SGCZ: variants seen among roughly 807,000 people sequenced by gnomAD.
The protein encoded by SGCZ is sarcoglycan zeta, also known as zeta-sarcoglycan.
A neutral mutation model predicts 41.3 loss-of-function variants in SGCZ; 40 were observed. That is an observed-to-expected ratio of 0.97 (90% CI 0.75 to 1.26). SGCZ has a LOEUF of 1.26. Ranked by LOEUF, SGCZ falls within the 50% of genes most tolerant of loss-of-function variation. SGCZ has a pLI of 0.00. For synonymous variants in SGCZ, 206 were observed against 137.5 expected, an observed-to-expected ratio of 1.50 and a Z score of -3.49; for missense variants, 552 against 369.8, an observed-to-expected ratio of 1.49 and a Z score of -4.04.
intron 1 of SGCZ, among the ~76,000 whole-genome samples, chr8:15,230,270 T>C (rs1470957866): frequency 6.6e-6 from 1 of 152,106 alleles, no homozygotes; most frequent in Non-Finnish European, 1.5e-5. Context: ...ACTGTCACTC[T>C]TCTTGGAAAT....
intron 1 of SGCZ, among the ~76,000 whole-genome samples, chr8:15,179,134 T>G (rs1020078405): frequency 6.6e-6 from 1 of 152,114 alleles, no homozygotes; most frequent in Non-Finnish European, 1.5e-5. Context: ...ATAGTAAATT[T>G]TAATAGTCTA....
chr8:14,683,324 C>T (rs1017912288), intron 1 of SGCZ, among the ~76,000 whole-genome samples: 2 of 151,992 alleles, frequency 1.3e-5, no homozygotes, highest in African/African-American at 4.8e-5. Context: ...TGGCATCAAC[C>T]GTTGAAATAA....
intron 1 of SGCZ, among the ~76,000 whole-genome samples, chr8:15,121,366 G>T (rs370320206): frequency 2.0e-5 from 3 of 152,162 alleles, no homozygotes; most frequent in African/African-American, 4.8e-5. Flanking sequence ...CTAGGTACAC[G>T]ATTCTTAAAA....
intron 1 of SGCZ, among the ~76,000 whole-genome samples, chr8:15,095,332 C>CA (rs1806305740): frequency 6.6e-6 from 1 of 152,166 alleles, no homozygotes. Flanking sequence ...TTCCTGACCT[C>CA]AAGTGATGCG....
At chr8:14,682,870 G>A (rs1453992960) in intron 1 of SGCZ, among the ~76,000 whole-genome samples, 1 of 152,150 alleles carries the variant, frequency 6.6e-6, no homozygotes, top group African/African-American at 2.4e-5. Context: ...AATTGGGCTA[G>A]ATTCAGTATT....
chr8:14,958,782 G>A (rs569816377), intron 1 of SGCZ, among the ~76,000 whole-genome samples: 77 of 151,696 alleles, frequency 5.1e-4, no homozygotes, highest in African/African-American at 1.8e-3. Flanking sequence ...ATATTTAGGC[G>A]GAAACACACA....
chr8:14,882,912 A>G (rs1804645910), intron 1 of SGCZ, among the ~76,000 whole-genome samples: 1 of 152,030 alleles, frequency 6.6e-6, no homozygotes, highest in South Asian at 2.1e-4. Context: ...AACAAAATAT[A>G]TGGTGTGGAA....
intron 1 of SGCZ, among the ~76,000 whole-genome samples, chr8:14,946,005 CATATATATAT>C (rs34647526): frequency 0.027 from 404 of 14,856 alleles, 4 homozygotes; most frequent in Admixed American, 0.04. Flanking sequence ...TAAATGTCCC[CATATATATAT>C]ATATATATAT....
At chr8:14,228,605 A>G (rs1439096273) in intron 4 of SGCZ, among the ~76,000 whole-genome samples, 3 of 152,030 alleles carry the variant, frequency 2.0e-5, no homozygotes, top group African/African-American at 7.2e-5. Flanking sequence ...CATTATATTT[A>G]TTGAAATAAA....
chr8:14,214,726 GA>G (rs1287698811), intron 4 of SGCZ, among the ~76,000 whole-genome samples: 4 of 151,844 alleles, frequency 2.6e-5, no homozygotes, highest in Admixed American at 6.6e-5. Flanking sequence ...GAATATCTAT[GA>G]GTATTAGATA....
chr8:14,581,328 A>T (rs941738715), intron 1 of SGCZ, among the ~76,000 whole-genome samples: 2 of 151,642 alleles, frequency 1.3e-5, no homozygotes, highest in Admixed American at 6.6e-5. Context: ...GCTGGTCTCG[A>T]CCTCCTGGCC....
intron 4 of SGCZ, among the ~76,000 whole-genome samples, chr8:14,207,228 A>G (rs113087588): frequency 2.1e-5 from 2 of 93,564 alleles, no homozygotes; most frequent in African/African-American, 9.7e-5. Context: ...CAATTAAGCA[A>G]CTTGTATTTA....
At chr8:14,320,034 G>A (rs1282935228) in intron 3 of SGCZ, among the ~76,000 whole-genome samples, 2 of 151,690 alleles carry the variant, frequency 1.3e-5, no homozygotes, top group African/African-American at 4.8e-5. Flanking sequence ...GTTCACATAT[G>A]TATATATTTT....
At chr8:14,941,375 C>T (rs148798610) in intron 1 of SGCZ, among the ~76,000 whole-genome samples, 9 of 152,086 alleles carry the variant, frequency 5.9e-5, no homozygotes, top group South Asian at 2.1e-4. Flanking sequence ...GGAAAGCAAA[C>T]GGGTATATTA....
chr8:14,799,693 T>A (rs1012098480), intron 1 of SGCZ, among the ~76,000 whole-genome samples: 11 of 131,322 alleles, frequency 8.4e-5, no homozygotes, highest in African/African-American at 3.0e-4. Context: ...AAAAAAAATT[T>A]TTTTTTTTAA....
At chr8:14,735,356 G>C (rs1019191766) in intron 1 of SGCZ, among the ~76,000 whole-genome samples, 2 of 152,186 alleles carry the variant, frequency 1.3e-5, no homozygotes, top group Non-Finnish European at 2.9e-5. Flanking sequence ...CATCCAATTG[G>C]CCGCCAGCAC....
intron 1 of SGCZ, among the ~76,000 whole-genome samples, chr8:15,024,750 C>A (rs1803385013): frequency 6.6e-6 from 1 of 151,982 alleles, no homozygotes. Flanking sequence ...TCCTGGCTAA[C>A]ATGGTGAAAC....
intron 1 of SGCZ, among the ~76,000 whole-genome samples, chr8:14,569,258 T>C (rs1177778492): frequency 6.6e-6 from 1 of 152,224 alleles, no homozygotes; most frequent in Non-Finnish European, 1.5e-5. Flanking sequence ...GAAAATCAAA[T>C]AATTTTACTG....
intron 1 of SGCZ, among the ~76,000 whole-genome samples, chr8:15,105,950 C>T (rs560587023): frequency 6.6e-6 from 1 of 152,098 alleles, no homozygotes; most frequent in East Asian, 1.9e-4. Flanking sequence ...CATCTTTTCC[C>T]CACTAATTAA....
Sources: gnomAD v4.1 joint callset for allele counts (sites outside exome capture counted in the v4.1 genomes callset) on GRCh38, gnomAD v4.1.1 for gene constraint, MANE v1.5 for transcripts, NCBI Gene and HGNC (gene_info 2026-07-23, HGNC 2026-07-21) for gene names.